The following PEX14 variants were observed in gnomAD, a reference collection of about 807,000 sequenced individuals.
The protein encoded by PEX14 is peroxisomal membrane protein PEX14.
A neutral mutation model predicts 49.5 loss-of-function variants in PEX14; 15 were observed. The observed-to-expected ratio is 0.30, with a 90% CI of 0.20 to 0.47. The LOEUF (loss-of-function observed/expected upper bound fraction) is 0.47, where lower values mean the gene tolerates loss of function less well. Ranked by LOEUF, PEX14 falls within the 20% of genes least tolerant of loss-of-function variation. The pLI is 1.00. For synonymous variants in PEX14, 210 were observed against 212.7 expected (o/e 0.99, Z 0.11); for missense variants, 398 against 494.8 (o/e 0.80, Z 1.86).
intron 7 of PEX14, among the ~76,000 whole-genome samples, chr1:10,626,004 CTG>C (rs1287230166): frequency 6.6e-6 from 1 of 152,214 alleles, no homozygotes; most frequent in African/African-American, 2.4e-5. Context: ...AGACCCAGAG[CTG>C]TGTTTTCTCA....
At position 10,626,669 on chromosome 1, in the gene PEX14, G is replaced by A. The variant is rs574769159; in HGVS notation, c.586-603G>A. 5.9e-5 allele frequency among the ~76,000 whole-genome samples: 9 copies of A among 152,350 alleles called. No individual in the cohort carries two copies. The East Asian group carries it at 9.6e-4, about 16-fold the overall frequency. The stretch of plus-strand genomic sequence containing the variant: ...GTGCACTTAAAGATGGCCTGGGGTG[G>A]CCTTCAGCCTGGGCGAGGTAGACCT... On this transcript the variant is annotated intron_variant, in intron 7 of 8. Transcript: ENST00000356607.
At chr1:10,600,717 C>CA (rs943373728) in intron 4 of PEX14, among the ~76,000 whole-genome samples, 39 of 151,360 alleles carry the variant, frequency 2.6e-4, no homozygotes, top group African/African-American at 9.2e-4. Context: ...GACTCTGTCT[C>CA]AAAAAAAATA....
chr1:10,627,723 C>T (rs1641791919), intron 8 of PEX14, among the ~76,000 whole-genome samples: 1 of 152,206 alleles, frequency 6.6e-6, no homozygotes, highest in African/African-American at 2.4e-5. Context: ...AGCTTTGTCC[C>T]AGGGAAAGCC....
rs761913850 is a variant in PEX14, at chr1:10,623,798, C to T, written c.488-542C>T. 6.6e-6 allele frequency among the ~76,000 whole-genome samples: 1 copy of T among 152,156 alleles called. No homozygotes were observed. Among genetic ancestry groups the T allele is most frequent in the East Asian group, 1.9e-4 (1 of 5,194 alleles). The stretch of plus-strand genomic sequence containing the variant: ...TCCATCCTGCTGCCGTTTGCTCCTG[C>T]GAGGCTGACATTGGTGGCAACAAGG... On this transcript the variant is annotated intron_variant, in intron 6 of 8. Coordinates refer to ENST00000356607, the MANE Select transcript of PEX14 (RefSeq NM_004565.3). The surrounding 1 kb of genome is among the most constrained non-coding windows in gnomAD (Gnocchi z 4.4).
intron 3 of PEX14, among the ~76,000 whole-genome samples, chr1:10,580,941 T>G (rs1484000859): frequency 6.6e-6 from 1 of 152,296 alleles, no homozygotes; most frequent in East Asian, 1.9e-4. Context: ...TCATAGCTAT[T>G]AAGTGTCAGA....
intron 2 of PEX14, among the ~76,000 whole-genome samples, chr1:10,507,271 A>G (rs1224207836): frequency 1.4e-4 from 22 of 152,216 alleles, no homozygotes; most frequent in Admixed American, 1.4e-3. Context: ...GAGAGCAGGT[A>G]TGGGTGCGGT....
intron 2 of PEX14, among the ~76,000 whole-genome samples, chr1:10,504,238 G>A (rs1641738935): frequency 6.6e-6 from 1 of 152,112 alleles, no homozygotes; most frequent in Non-Finnish European, 1.5e-5. Flanking sequence ...TTTATGGTTT[G>A]TAGTTATAAC....
At chr1:10,607,255 T>C (rs886134495) in intron 4 of PEX14, among the ~76,000 whole-genome samples, 6 of 152,236 alleles carry the variant, frequency 3.9e-5, no homozygotes, top group African/African-American at 1.4e-4. Flanking sequence ...TGGGTGGTAT[T>C]CCATTGTAGG....
intron 3 of PEX14, among the ~76,000 whole-genome samples, chr1:10,577,554 ATATATATATTTTT>A (rs1640173854): frequency 4.0e-3 from 32 of 8,076 alleles, no homozygotes; most frequent in African/African-American, 9.7e-3. Flanking sequence ...ATATATATAT[ATATATATATTTTT>A]TTTTTTTTTT....
chr1:10,611,508 G>A (rs76248111), intron 4 of PEX14, among the ~76,000 whole-genome samples: 5,685 of 152,300 alleles, frequency 0.037, 147 homozygotes, highest in South Asian at 0.13. Context: ...TTTCCTAGGA[G>A]TGGAATGGCT....
chr1:10,552,709 G>T (rs936122782), intron 3 of PEX14, among the ~76,000 whole-genome samples: 2 of 152,198 alleles, frequency 1.3e-5, no homozygotes, highest in African/African-American at 4.8e-5. Flanking sequence ...AACAGATGTG[G>T]TGTGGGTGAT....
At chr1:10,482,869 T>A (rs1486161098) in intron 1 of PEX14, among the ~76,000 whole-genome samples, 1 of 152,248 alleles carries the variant, frequency 6.6e-6, no homozygotes, top group African/African-American at 2.4e-5. Flanking sequence ...CTACGTTTTT[T>A]ATTTTTTATG....
chr1:10,525,275 A>G (rs1388919358), intron 2 of PEX14, among the ~76,000 whole-genome samples: 4 of 152,100 alleles, frequency 2.6e-5, no homozygotes, highest in African/African-American at 9.7e-5. Context: ...GATGGCTGTG[A>G]TAATCAGTTT....
At chr1:10,589,417 C>A (rs1640594255) in intron 3 of PEX14, among the ~76,000 whole-genome samples, 1 of 152,190 alleles carries the variant, frequency 6.6e-6, no homozygotes. Flanking sequence ...CCCTCTCTCT[C>A]CCCTTCTGAG....
intron 2 of PEX14, among the ~76,000 whole-genome samples, chr1:10,497,920 C>T (rs964905428): frequency 6.6e-6 from 1 of 152,196 alleles, no homozygotes; most frequent in Non-Finnish European, 1.5e-5. Context: ...ACACTAAAGG[C>T]AAATAATCTT....
intron 2 of PEX14, among the ~76,000 whole-genome samples, chr1:10,500,908 T>C (rs539319393): frequency 6.6e-6 from 1 of 152,356 alleles, no homozygotes; most frequent in Non-Finnish European, 1.5e-5. Context: ...GACATTAACA[T>C]GTTTCTTTGT....
chr1:10,556,539 G>T (rs1366452803), intron 3 of PEX14, among the ~76,000 whole-genome samples: 1 of 152,088 alleles, frequency 6.6e-6, no homozygotes, highest in African/African-American at 2.4e-5. Context: ...GTCGGTGTGC[G>T]CTGACCTCAT....
At chr1:10,509,665 G>T (rs1384807299) in intron 2 of PEX14, among the ~76,000 whole-genome samples, 1 of 152,042 alleles carries the variant, frequency 6.6e-6, no homozygotes, top group Admixed American at 6.6e-5. Flanking sequence ...GAACGCTGCC[G>T]TGTTTGTTTT....
intron 1 of PEX14, among the ~76,000 whole-genome samples, chr1:10,479,535 C>G (rs1313632711): frequency 3.3e-5 from 5 of 152,212 alleles, no homozygotes; most frequent in Admixed American, 6.5e-5. Context: ...CCCAACTTTC[C>G]TACTAGCTTT....
Sources: gnomAD v4.1 joint callset for allele counts (sites outside exome capture counted in the v4.1 genomes callset) on GRCh38, gnomAD v4.1.1 for gene constraint, Gnocchi (gnomAD v3.1) non-coding constraint, MANE v1.5 for transcripts, NCBI Gene and HGNC (gene_info 2026-07-23, HGNC 2026-07-21) for gene names.